Variants in MICU2 observed in about 807,000 individuals in gnomAD.
MICU2 encodes mitochondrial calcium uptake 2, also known as calcium uptake protein 2, mitochondrial.
Under a neutral mutation model 60.4 loss-of-function variants are expected in MICU2, and 64 were observed. The observed-to-expected ratio is 1.06, with a 90% confidence interval of 0.87 to 1.31. MICU2 has a LOEUF of 1.31. Ranked by LOEUF, MICU2 falls within the 50% of genes most tolerant of loss-of-function variation. The pLI, the probability that MICU2 is intolerant of heterozygous loss-of-function variation, is 0.00. For synonymous variants in MICU2, 201 were observed against 175.0 expected (o/e 1.15, Z -1.17); for missense variants, 569 against 531.0 (o/e 1.07, Z -0.70).
Position 21,493,089 on chromosome 13 carries a change from A to G in MICU2, c.*160T>C. ...TTTATACTTACTTTTCTTTCTACTA[A>G]GTTCTTTAATAAAATTATGAATCAG... On this transcript the variant is annotated 3_prime_UTR_variant, in exon 12 of 12. Transcript: ENST00000382374. 1 of 477,480 alleles carries G rather than the reference A, an allele frequency of 2.1e-6. No individual in the cohort carries two copies. The highest frequency in any genetic ancestry group is 3.5e-5 in the South Asian group (1 of 28,390). 29.6% of individuals were successfully genotyped at this position (477,480 alleles called of 1,614,324 possible).
intron 2 of MICU2, among the ~76,000 whole-genome samples, chr13:21,551,866 C>G (rs1342599129): frequency 6.6e-6 from 1 of 152,064 alleles, no homozygotes; most frequent in Non-Finnish European, 1.5e-5. Flanking sequence ...CAAGTCTTTG[C>G]TATTGCGAAT....
chr13:21,522,706 G>C (rs1886749329), intron 4 of MICU2, 56 bp from the exon 5 acceptor site: 1 of 1,234,942 alleles, frequency 8.1e-7, no homozygotes, highest in Non-Finnish European at 1.1e-6. Context: ...AGAATATATA[G>C]AGACATTAAC....
chr13:21,499,805 T>A (rs1482252322), intron 9 of MICU2, among the ~76,000 whole-genome samples: 4 of 148,556 alleles, frequency 2.7e-5, no homozygotes, highest in South Asian at 4.4e-4. Flanking sequence ...CCCAGCACTT[T>A]GGGAGGCCGA....
chr13:21,531,408 C>T, intron 4 of MICU2: 1 of 892,750 alleles, frequency 1.1e-6, no homozygotes, highest in Non-Finnish European at 1.8e-6. Context: ...GTGGTCCTTC[C>T]CTTTGCCTGT....
intron 4 of MICU2, 71 bp downstream of exon 4, chr13:21,539,231 C>T: frequency 1.5e-6 from 2 of 1,329,324 alleles, no homozygotes; most frequent in South Asian, 2.5e-5. Flanking sequence ...AAATCTCATA[C>T]CTTAATTCCT....
At chr13:21,521,390 T>G in intron 5 of MICU2, 63 bp from the exon 6 acceptor site, 1 of 1,358,860 alleles carries the variant, frequency 7.4e-7, no homozygotes, top group Non-Finnish European at 1.0e-6. Flanking sequence ...TGTAGATAGA[T>G]AGGTCTTCAA....
rs139598159 is a variant in MICU2, at chr13:21,511,455, A to G, written c.664-1354T>C. 2.2e-3 allele frequency among the ~76,000 whole-genome samples: 338 copies of G among 152,298 alleles called. 1 individual carries two copies. Among genetic ancestry groups the G allele is most frequent in the African/African-American group, 7.9e-3 (328 of 41,568 alleles). ...CTGATAACCCAAGGAACAAATAAGT[A>G]TTTCTCATGAGACCTTTAAAGAAAA... On this transcript the variant is annotated intron_variant, in intron 7 of 11. Coordinates refer to ENST00000382374, the MANE Select transcript of MICU2 (RefSeq NM_152726.3).
chr13:21,560,956 TCTCTTCTAGGGACCAAATA>T (rs1202919445), intron 2 of MICU2, among the ~76,000 whole-genome samples: 1 of 152,210 alleles, frequency 6.6e-6, no homozygotes, highest in Non-Finnish European at 1.5e-5. Flanking sequence ...TGCCTAGAGT[TCTCTTCTAGGGACCAAATA>T]CTCTTCTGAA....
rs1237991933 is a variant in MICU2, at chr13:21,493,212, T to G, written c.*37A>C. On this transcript the variant is annotated 3_prime_UTR_variant, in exon 12 of 12. Transcript: ENST00000382374. ...TCTAAAAAATCACAAATTTTGACAT[T>G]TGGAACAATATAATTGCCATACTAT... 1 of 1,418,220 alleles carries G rather than the reference T, an allele frequency of 7.1e-7. No homozygotes were observed. Among genetic ancestry groups the G allele is most frequent in the Non-Finnish European group, 9.6e-7 (1 of 1,037,112 alleles). The allele number at this position is 1,418,220 out of a possible 1,614,324, so 87.9% of individuals were successfully genotyped here.
chr13:21,531,382 G>A, intron 4 of MICU2: 2 of 1,182,810 alleles, frequency 1.7e-6, no homozygotes, highest in Admixed American at 2.1e-5. Context: ...GGACCCTGCA[G>A]GAGTTTAAAA....
intron 9 of MICU2, among the ~76,000 whole-genome samples, chr13:21,500,196 G>A (rs1715274393): frequency 6.6e-6 from 1 of 152,086 alleles, no homozygotes; most frequent in African/African-American, 2.4e-5. Flanking sequence ...ACACAAATAT[G>A]TTACTCATGT....
chr13:21,593,239 T>G (rs1170264828), intron 1 of MICU2, among the ~76,000 whole-genome samples: 1 of 151,950 alleles, frequency 6.6e-6, no homozygotes, highest in Non-Finnish European at 1.5e-5. Flanking sequence ...GAGAGCCAAA[T>G]CATGAGTGAA....
intron 2 of MICU2, among the ~76,000 whole-genome samples, chr13:21,541,170 G>A (rs1887272964): frequency 6.6e-6 from 1 of 152,022 alleles, no homozygotes; most frequent in African/African-American, 2.4e-5. Flanking sequence ...TGGTGTCTAA[G>A]AGTTTCTTAG....
At chr13:21,533,216 A>G (rs192220816) in intron 4 of MICU2, among the ~76,000 whole-genome samples, 22 of 152,296 alleles carry the variant, frequency 1.4e-4, no homozygotes, top group Admixed American at 1.3e-3. Flanking sequence ...CACGGTGTAT[A>G]GGATATACTT....
At chr13:21,514,290 C>G in intron 7 of MICU2, 63 bp downstream of exon 7, 4 of 1,373,928 alleles carry the variant, frequency 2.9e-6, no homozygotes, top group East Asian at 2.3e-5. Flanking sequence ...TCGGGAATAT[C>G]TGAACAAACA....
chr13:21,550,418 G>T (rs1566157101), intron 2 of MICU2, among the ~76,000 whole-genome samples: 1 of 152,140 alleles, frequency 6.6e-6, no homozygotes, highest in Admixed American at 6.5e-5. Flanking sequence ...TGTGCCTGTA[G>T]TCCCAGCTAC....
At chr13:21,554,671 A>T (rs2138023773) in intron 2 of MICU2, among the ~76,000 whole-genome samples, 1 of 152,328 alleles carries the variant, frequency 6.6e-6, no homozygotes. Flanking sequence ...AAGGCAAGAG[A>T]TCAGAGCAGA....
intron 4 of MICU2, chr13:21,531,006 G>C (rs1886981927): frequency 1.2e-6 from 1 of 810,888 alleles, no homozygotes. Context: ...ACCACATAAT[G>C]AAAGTGCCTG....
intron 1 of MICU2, among the ~76,000 whole-genome samples, chr13:21,573,031 C>T (rs755005047): frequency 4.1e-4 from 63 of 152,244 alleles, no homozygotes; most frequent in African/African-American, 1.2e-3. Context: ...TCGACTAATG[C>T]CATATAAATT....
Sources: allele counts gnomAD v4.1 joint callset (sites outside exome capture counted in the v4.1 genomes callset), GRCh38; gene constraint gnomAD v4.1.1; transcripts MANE v1.5; gene names NCBI Gene and HGNC (gene_info 2026-07-23, HGNC 2026-07-21).